GBE1: variants seen among roughly 807,000 people sequenced by gnomAD.
GBE1 encodes the protein 1,4-alpha-glucan-branching enzyme.
Under a neutral mutation model 88.8 loss-of-function variants are expected in GBE1, and 70 were observed. The observed-to-expected ratio is 0.79, with a 90% CI of 0.65 to 0.96. The LOEUF is 0.96. GBE1 is among the 40% of genes least tolerant of loss of function. GBE1 has a pLI of 0.00. For synonymous variants in GBE1, 284 were observed against 300.1 expected, an observed-to-expected ratio of 0.95 and a Z score of 0.56; for missense variants, 872 against 871.0, an observed-to-expected ratio of 1.00 and a Z score of -0.01.
intron 1 of GBE1, among the ~76,000 whole-genome samples, chr3:81,736,222 G>A (rs547999616): frequency 5.3e-5 from 8 of 152,272 alleles, no homozygotes; most frequent in Middle Eastern, 3.4e-3. Flanking sequence ...GGAGTGAGGA[G>A]GTACAGGAGA....
chr3:81,720,789 T>A lies in GBE1; in HGVS notation c.144-15176A>T, dbSNP rs1575765415. Among the ~76,000 whole-genome samples, 3 of 151,348 alleles carry A rather than the reference T, an allele frequency of 2.0e-5. No individual in the cohort carries two copies. In the East Asian group the frequency reaches 5.9e-4, roughly 30 times the overall value. On this transcript the variant is annotated intron_variant, in intron 1 of 15. Transcript: ENST00000429644. ...CGGCACTATTCACAATAGCAAAGAC[T>A]TGGAACCAACCCAAATGTCCAACAA...
At chr3:81,515,744 C>T (rs1318160181) in intron 14 of GBE1, among the ~76,000 whole-genome samples, 1 of 151,586 alleles carries the variant, frequency 6.6e-6, no homozygotes, top group Non-Finnish European at 1.5e-5. Flanking sequence ...ATAAGAAGTG[C>T]TACTCTAGTG....
intron 1 of GBE1, among the ~76,000 whole-genome samples, chr3:81,729,722 A>G (rs1445435698): frequency 6.6e-6 from 1 of 152,154 alleles, no homozygotes; most frequent in Non-Finnish European, 1.5e-5. Flanking sequence ...TCAGTCAGCC[A>G]GTTTCCCCAG....
chr3:81,707,081 G>T lies in GBE1; in HGVS notation c.144-1468C>A, dbSNP rs549416525. On this transcript the variant is annotated intron_variant, in intron 1 of 15. Transcript: ENST00000429644. ...AATGAATATGGAAGATATAAAACTG[G>T]AAAATTATCCTAAAGAATTAAATCC... 1.1e-4 allele frequency among the ~76,000 whole-genome samples: 17 copies of T among 151,890 alleles called. No homozygotes were observed. The East Asian group carries it at 3.1e-3, about 28-fold the overall frequency.
chr3:81,666,512 T>A (rs959659255), intron 3 of GBE1, among the ~76,000 whole-genome samples: 4 of 152,178 alleles, frequency 2.6e-5, no homozygotes, highest in African/African-American at 9.7e-5. Flanking sequence ...TTTCCACACA[T>A]CCAAAGAAAT....
chr3:81,737,948 T>C (rs1009951409), intron 1 of GBE1, among the ~76,000 whole-genome samples: 5 of 151,824 alleles, frequency 3.3e-5, no homozygotes, highest in Non-Finnish European at 7.4e-5. Context: ...TTCCCCCTCC[T>C]GTGTCCATGT....
chr3:81,646,517 C>G, intron 5 of GBE1, 35 bp from the exon 6 acceptor site: 1 of 1,177,520 alleles, frequency 8.5e-7, no homozygotes, highest in Non-Finnish European at 1.2e-6. Flanking sequence ...AAATTAAAAG[C>G]CACATTTAAA....
intron 6 of GBE1, among the ~76,000 whole-genome samples, chr3:81,645,985 G>A (rs1397125048): frequency 6.6e-6 from 1 of 152,156 alleles, no homozygotes; most frequent in Non-Finnish European, 1.5e-5. Flanking sequence ...CTGGAGGGAA[G>A]GGCAGCCCTT....
chr3:81,759,558 A>G (rs1261710703), intron 1 of GBE1, among the ~76,000 whole-genome samples: 1 of 152,218 alleles, frequency 6.6e-6, no homozygotes, highest in Non-Finnish European at 1.5e-5. Flanking sequence ...CAAATGCCAA[A>G]TTACTATTTG....
chr3:81,492,668 C>G (rs1405546686), intron 15 of GBE1, among the ~76,000 whole-genome samples: 1 of 143,784 alleles, frequency 7.0e-6, no homozygotes, highest in African/African-American at 2.7e-5. Flanking sequence ...TCTTCCTTCC[C>G]CTTCTCCCAT....
At chr3:81,697,288 G>A (rs1225440595) in intron 2 of GBE1, among the ~76,000 whole-genome samples, 1 of 151,720 alleles carries the variant, frequency 6.6e-6, no homozygotes, top group Non-Finnish European at 1.5e-5. Context: ...ATGGGAGAAA[G>A]GGCAGACAAC....
At chr3:81,494,800 AT>A (rs1401663060) in intron 15 of GBE1, among the ~76,000 whole-genome samples, 1 of 152,168 alleles carries the variant, frequency 6.6e-6, no homozygotes, top group African/African-American at 2.4e-5. Flanking sequence ...TAATGACTTA[AT>A]TGACTCACTA....
chr3:81,518,727 A>C (rs1702831873), intron 14 of GBE1, among the ~76,000 whole-genome samples: 1 of 151,548 alleles, frequency 6.6e-6, no homozygotes, highest in Non-Finnish European at 1.5e-5. Flanking sequence ...ATGAGCATGC[A>C]TCCATTATAA....
chr3:81,497,842 C>G (rs755014628), intron 15 of GBE1, among the ~76,000 whole-genome samples: 1 of 152,126 alleles, frequency 6.6e-6, no homozygotes, highest in African/African-American at 2.4e-5. Context: ...TATTTCAGAA[C>G]TTTATGGTAA....
chr3:81,569,511 G>C (rs1036482188), intron 12 of GBE1, among the ~76,000 whole-genome samples: 1 of 152,180 alleles, frequency 6.6e-6, no homozygotes, highest in Non-Finnish European at 1.5e-5. Flanking sequence ...AGCTTGACCT[G>C]TGAGTTGCTT....
intron 1 of GBE1, among the ~76,000 whole-genome samples, chr3:81,718,632 G>A (rs1165369022): frequency 6.6e-6 from 1 of 151,884 alleles, no homozygotes; most frequent in African/African-American, 2.4e-5. Flanking sequence ...TGTTTTGTTT[G>A]TTTTGTTTTG....
chr3:81,700,328 G>A (rs558631180), intron 2 of GBE1, among the ~76,000 whole-genome samples: 2 of 152,136 alleles, frequency 1.3e-5, no homozygotes, highest in Middle Eastern at 3.4e-3. Flanking sequence ...GCTAATTTTC[G>A]TATCAGTGTT....
At position 81,761,400 on chromosome 3, in the gene GBE1, G is replaced by T. The variant is rs35196441; in HGVS notation, c.118C>A (p.Pro40Thr). 2,824 of 1,612,950 alleles carry T rather than the reference G, an allele frequency of 1.8e-3. 26 individuals carry two copies. Among genetic ancestry groups the T allele is most frequent in the African/African-American group, 0.015 (1,122 of 74,880 alleles). The change falls in exon 1 of 16, where the codon CCC becomes ACC. Residue 40 changes from proline to threonine, a missense_variant. Pro to Thr is a conservative substitution (Grantham distance 38). Transcript: ENST00000429644. ...RLLEIDPYLKPYAVDFQRRYK... is the reference protein window; with the variant it reads ...RLLEIDPYLKTYAVDFQRRYK... ...CTGCGCTGGAAGTCCACGGCGTAGG[G>T]CTTCAAGTACGGGTCGATCTCCAGG... is the stretch of plus-strand genomic sequence containing the variant.
intron 2 of GBE1, among the ~76,000 whole-genome samples, chr3:81,700,317 C>A (rs569400861): frequency 6.6e-6 from 1 of 152,210 alleles, no homozygotes; most frequent in South Asian, 2.1e-4. Flanking sequence ...AAAAAATGAT[C>A]GCTAATTTTC....
Sources: gnomAD v4.1 joint callset for allele counts (sites outside exome capture counted in the v4.1 genomes callset) on GRCh38, gnomAD v4.1.1 for gene constraint, MANE v1.5 for transcripts, NCBI Gene and HGNC (gene_info 2026-07-23, HGNC 2026-07-21) for gene names.